Variants in PGM2 observed in about 807,000 individuals in gnomAD.
The protein encoded by PGM2 is phosphoglucomutase 2.
PGM2 carries 57 observed loss-of-function variants against 74.6 expected under a neutral mutation model. That is an observed-to-expected ratio of 0.76 (90% CI 0.62 to 0.95). The LOEUF (loss-of-function observed/expected upper bound fraction) is 0.95, where lower values mean the gene tolerates loss of function less well. Ranked by LOEUF, PGM2 falls within the 40% of genes least tolerant of loss-of-function variation. PGM2 has a pLI of 0.00. For missense variants in PGM2, 706 were observed against 741.9 expected, an observed-to-expected ratio of 0.95 and a Z score of 0.56; for synonymous variants, 273 against 260.7, an observed-to-expected ratio of 1.05 and a Z score of -0.46.
chr4:37,827,069 G>A (rs2152173387), intron 1 of PGM2, among the ~76,000 whole-genome samples: 2 of 152,386 alleles, frequency 1.3e-5, no homozygotes, highest in South Asian at 4.1e-4. Flanking sequence ...TGCAAGTTCG[G>A]AGTAGAGGAG....
intron 2 of PGM2, among the ~76,000 whole-genome samples, chr4:37,830,885 T>C (rs1049892486): frequency 6.6e-6 from 1 of 152,014 alleles, no homozygotes; most frequent in African/African-American, 2.4e-5. Flanking sequence ...AAGGAAAGCT[T>C]ATCTAAGGGT....
Position 37,856,388 on chromosome 4 carries a change from A to AAAAT in PGM2, c.1736+664_1736+667dup, listed in dbSNP as rs563647052. 2.9e-3 allele frequency among the ~76,000 whole-genome samples: 445 copies of AAAAT among 152,208 alleles called. 2 individuals are homozygous for AAAAT. Among genetic ancestry groups the AAAAT allele is most frequent in the African/African-American group, 0.01 (430 of 41,526 alleles). On this transcript the variant is annotated intron_variant, in intron 13 of 13. Coordinates refer to ENST00000381967, the MANE Select transcript of PGM2 (RefSeq NM_018290.4). ...CGACAGAGCGAGACTCCATCTCAAA[A>AAAAT]AAATAAATAAATAAATAAATTATAA... is the stretch of plus-strand genomic sequence containing the variant.
intron 13 of PGM2, among the ~76,000 whole-genome samples, chr4:37,861,178 C>G (rs567542984): frequency 4.2e-4 from 64 of 152,120 alleles, no homozygotes; most frequent in Non-Finnish European, 9.0e-4. Context: ...TTTCTCTACA[C>G]CCTTAGGTAC....
chr4:37,850,482 A>AG (rs1320674214), intron 12 of PGM2, 109 bp downstream of exon 12: 26 of 639,886 alleles, frequency 4.1e-5, no homozygotes, highest in Non-Finnish European at 6.0e-5. Flanking sequence ...TTAGGCACTT[A>AG]GGCGTGATTA....
chr4:37,854,363 T>C (rs1371126384), intron 12 of PGM2, among the ~76,000 whole-genome samples: 1 of 152,168 alleles, frequency 6.6e-6, no homozygotes, highest in African/African-American at 2.4e-5. Context: ...TTTCTTTTCT[T>C]TTTTGGAGGC....
intron 6 of PGM2, among the ~76,000 whole-genome samples, chr4:37,841,868 A>G (rs1332130028): frequency 1.3e-5 from 2 of 152,246 alleles, no homozygotes; most frequent in African/African-American, 2.4e-5. Flanking sequence ...GTGTGTGCGC[A>G]TGTGTATCCG....
chr4:37,842,625 A>G (rs1425122896), intron 6 of PGM2, among the ~76,000 whole-genome samples: 2 of 150,644 alleles, frequency 1.3e-5, no homozygotes, highest in African/African-American at 2.5e-5. Context: ...TGCTTATTAT[A>G]TATCAGATAA....
intron 4 of PGM2, among the ~76,000 whole-genome samples, chr4:37,838,171 AC>A (rs1158587604): frequency 1.3e-5 from 2 of 152,162 alleles, no homozygotes; most frequent in Non-Finnish European, 2.9e-5. Flanking sequence ...ATGAGCCACC[AC>A]GCCCGGCCTT....
At position 37,841,116 on chromosome 4, in the gene PGM2, T is replaced by TGTGTG. The variant is rs1560415272; in HGVS notation, c.719+857_719+858insGTGTG. Among the ~76,000 whole-genome samples the TGTGTG allele has an allele frequency of 6.4e-3, 611 of 95,762 alleles. 9 individuals carry two copies. Among genetic ancestry groups the TGTGTG allele is most frequent in the African/African-American group, 0.031 (558 of 18,220 alleles). The allele number at this position is 95,762 out of a possible 152,430, so 62.8% of individuals were successfully genotyped here. ...TATATATATATGTGTGTGTGTGTGT[T>TGTGTG]TGTATATGTATAATATACTTCAAAA... is the stretch of plus-strand genomic sequence containing the variant. On this transcript the variant is annotated intron_variant, in intron 6 of 13. Coordinates refer to ENST00000381967, the MANE Select transcript of PGM2 (RefSeq NM_018290.4).
intron 12 of PGM2, among the ~76,000 whole-genome samples, chr4:37,853,150 C>A (rs973854179): frequency 6.6e-6 from 1 of 152,086 alleles, no homozygotes; most frequent in African/African-American, 2.4e-5. Flanking sequence ...AAAATAGTGT[C>A]CTGTTGAAAC....
chr4:37,836,875 G>GTGTGTGTGTT (rs1553885673), intron 3 of PGM2, among the ~76,000 whole-genome samples: 1 of 151,966 alleles, frequency 6.6e-6, no homozygotes, highest in East Asian at 1.9e-4. Flanking sequence ...GTGTGTGTGT[G>GTGTGTGTGTT]TGTGTGTATA....
At chr4:37,831,907 T>C (rs965587067) in intron 2 of PGM2, among the ~76,000 whole-genome samples, 4 of 152,224 alleles carry the variant, frequency 2.6e-5, no homozygotes, top group African/African-American at 9.6e-5. Context: ...ACAATCCAGT[T>C]GGTTACACCT....
intron 6 of PGM2, among the ~76,000 whole-genome samples, chr4:37,841,072 G>GTATATATATA (rs36127170): frequency 0.01 from 1,189 of 113,588 alleles, 12 homozygotes; most frequent in South Asian, 0.014. Context: ...ATATGCAAGC[G>GTATATATATA]TATATATATA....
chr4:37,856,460 A>G (rs16994016), intron 13 of PGM2, among the ~76,000 whole-genome samples: 14,228 of 152,150 alleles, frequency 0.094, 1,760 homozygotes, highest in African/African-American at 0.28. Flanking sequence ...CCCATTGTAG[A>G]CAGGTCTGTG....
intron 1 of PGM2, among the ~76,000 whole-genome samples, chr4:37,828,273 AAAC>A (rs935437447): frequency 1.6e-4 from 24 of 152,340 alleles, no homozygotes; most frequent in African/African-American, 5.3e-4. Flanking sequence ...AAGAAGAAGA[AAAC>A]AATCTAATTT....
At chr4:37,853,749 G>A (rs190449815) in intron 12 of PGM2, among the ~76,000 whole-genome samples, 117 of 152,264 alleles carry the variant, frequency 7.7e-4, no homozygotes, top group African/African-American at 2.4e-3. Context: ...TGACTGGGGC[G>A]GAGCTGGGGG....
intron 1 of PGM2, 117 bp from the exon 2 acceptor site, chr4:37,829,847 C>CATAT (rs3835059): frequency 9.3e-4 from 282 of 303,546 alleles, no homozygotes; most frequent in African/African-American, 3.7e-3. Context: ...GAAAGGTCTA[C>CATAT]ATATATATAT....
chr4:37,845,894 G>T (rs1243516889), intron 8 of PGM2, among the ~76,000 whole-genome samples, 164 bp downstream of exon 8: 1 of 151,332 alleles, frequency 6.6e-6, no homozygotes, highest in Non-Finnish European at 1.5e-5. Flanking sequence ...TGGAGAGCAA[G>T]ATAGAGATCT....
Position 37,855,615 on chromosome 4 carries a change from C to T in PGM2, c.1610C>T (p.Pro537Leu), listed in dbSNP as rs1235875504. ...DSQPDKKAVLPTSKSSQMITF... is the reference protein window; with the variant it reads ...DSQPDKKAVLLTSKSSQMITF... The stretch of plus-strand genomic sequence containing the variant: ...GTGTGCATTAATTCCTAGGTTCTTC[C>T]CACTAGTAAAAGCAGCCAAATGATC... The change falls in exon 13 of 14, where the codon CCC (proline) becomes CTC (leucine). Residue 537 changes from proline (P) to leucine (L), a missense_variant. Physicochemically the swap from Pro to Leu is moderately conservative, Grantham distance 98 (BLOSUM62 -3). This residue lies in a region of PGM2 where 359 missense variants were observed against 371.1 expected (regional missense o/e 0.97). Coordinates refer to ENST00000381967, the MANE Select transcript of PGM2 (RefSeq NM_018290.4). The T allele has an allele frequency of 6.2e-7, 1 of 1,613,394 alleles. No homozygotes were observed. The highest frequency in any genetic ancestry group is 8.5e-7 in the Non-Finnish European group (1 of 1,179,690).
Sources: allele counts gnomAD v4.1 joint callset (sites outside exome capture counted in the v4.1 genomes callset), GRCh38; gene constraint gnomAD v4.1.1; regional missense constraint gnomAD v4.1.1; transcripts MANE v1.5; gene names NCBI Gene and HGNC (gene_info 2026-07-23, HGNC 2026-07-21).